The following NAALADL2 variants were observed in gnomAD, a reference collection of about 807,000 sequenced individuals.
NAALADL2 encodes N-acetylated alpha-linked acidic dipeptidase like 2, also known as inactive N-acetylated-alpha-linked acidic dipeptidase-like protein 2.
NAALADL2 carries 76 observed loss-of-function variants against 87.2 expected under a neutral mutation model. The ratio of observed to expected loss-of-function variants is 0.87; its 90% CI spans 0.72 to 1.05. The LOEUF is 1.05. Among genes scored for constraint, NAALADL2 ranks in the 50% least tolerant of loss-of-function variants. The pLI is 0.00. For missense variants in NAALADL2, 1,089 were observed against 945.8 expected, an observed-to-expected ratio of 1.15 and a Z score of -1.99; for synonymous variants, 354 against 331.0, an observed-to-expected ratio of 1.07 and a Z score of -0.75.
intron 4 of NAALADL2, among the ~76,000 whole-genome samples, chr3:175,319,586 G>A (rs983878725): frequency 6.6e-6 from 1 of 152,124 alleles, no homozygotes; most frequent in African/African-American, 2.4e-5. Context: ...TCGGGAGGCC[G>A]AGTCGGCAAT....
chr3:174,935,843 A>G (rs1273482931), intron 1 of NAALADL2, among the ~76,000 whole-genome samples: 1 of 152,160 alleles, frequency 6.6e-6, no homozygotes. Context: ...CTAGACTATA[A>G]GATTAATAGG....
chr3:175,647,273 T>C (rs552058310), intron 11 of NAALADL2, among the ~76,000 whole-genome samples: 1 of 152,238 alleles, frequency 6.6e-6, no homozygotes, highest in African/African-American at 2.4e-5. Flanking sequence ...TAATTGACAA[T>C]TTTTGCCAGA....
chr3:174,994,815 A>G, intron 1 of NAALADL2, among the ~76,000 whole-genome samples: 1 of 152,270 alleles, frequency 6.6e-6, no homozygotes, highest in African/African-American at 2.4e-5. Flanking sequence ...ATATTTTTCA[A>G]AGAATTAGAT....
intron 1 of NAALADL2, among the ~76,000 whole-genome samples, chr3:174,872,057 A>G (rs1460444608): frequency 6.6e-6 from 1 of 152,334 alleles, no homozygotes; most frequent in East Asian, 1.9e-4. Context: ...TTCAAAGCTT[A>G]TATGAAACGG....
intron 6 of NAALADL2, among the ~76,000 whole-genome samples, chr3:175,457,863 T>C (rs956235255): frequency 2.6e-5 from 4 of 151,900 alleles, no homozygotes; most frequent in African/African-American, 9.7e-5. Flanking sequence ...AAAGAAGAGA[T>C]TTTTCCTTTT....
chr3:174,884,252 C>CG (rs1729786657), intron 1 of NAALADL2, among the ~76,000 whole-genome samples: 2 of 152,212 alleles, frequency 1.3e-5, no homozygotes, highest in East Asian at 3.9e-4. Flanking sequence ...ACCCATGAAC[C>CG]CTGGCCATGA....
At chr3:174,908,589 A>G (rs1733273047) in intron 1 of NAALADL2, among the ~76,000 whole-genome samples, 1 of 152,080 alleles carries the variant, frequency 6.6e-6, no homozygotes, top group Non-Finnish European at 1.5e-5. Flanking sequence ...AGTGATGGAG[A>G]AGGAATTTCT....
intron 5 of NAALADL2, among the ~76,000 whole-genome samples, chr3:175,423,028 A>AAAAAAAAATATATATATAT (rs1438736874): frequency 2.1e-4 from 23 of 111,280 alleles, no homozygotes; most frequent in Non-Finnish European, 3.4e-4. Flanking sequence ...GAAAAAAAAA[A>AAAAAAAAATATATATATAT]ATATATATAT....
At chr3:175,712,900 T>C (rs374750071) in intron 11 of NAALADL2, among the ~76,000 whole-genome samples, 19 of 152,072 alleles carry the variant, frequency 1.2e-4, no homozygotes, top group African/African-American at 4.6e-4. Flanking sequence ...CAGACCAATA[T>C]TGTATGGAGC....
intron 9 of NAALADL2, among the ~76,000 whole-genome samples, chr3:175,485,436 G>T (rs1727114523): frequency 6.6e-6 from 1 of 152,162 alleles, no homozygotes; most frequent in African/African-American, 2.4e-5. Flanking sequence ...TCCGTAAGCT[G>T]AAGAGCAAGG....
intron 2 of NAALADL2, among the ~76,000 whole-genome samples, chr3:174,718,932 T>C (rs1176464563): frequency 1.3e-5 from 2 of 152,216 alleles, no homozygotes; most frequent in African/African-American, 2.4e-5. Context: ...AAATGCAGTC[T>C]TTTTTCCTTA....
In NAALADL2 at chr3:174,551,788, C is replaced by T. The variant is rs147984549; in HGVS notation, c.-115+1151C>T. 1.1e-3 allele frequency among the ~76,000 whole-genome samples: 167 copies of T among 152,180 alleles called. 1 individual carries two copies. The East Asian group carries it at 0.027, about 25-fold the overall frequency. ...TACTAATATTTTCCATTTAATATAA[C>T]AGGAAATAGAAAACTGGTTAGCTTT... On this transcript the variant is annotated intron_variant, in intron 2 of 3. Coordinates refer to the NAALADL2 transcript ENST00000434257.
At chr3:175,316,651 C>T (rs879145812) in intron 4 of NAALADL2, among the ~76,000 whole-genome samples, 16 of 152,152 alleles carry the variant, frequency 1.1e-4, no homozygotes, top group Admixed American at 2.0e-4. Flanking sequence ...CCAGCTGAAG[C>T]AGATAGCCCA....
At chr3:174,718,180 C>A (rs1731383276) in intron 2 of NAALADL2, among the ~76,000 whole-genome samples, 1 of 152,000 alleles carries the variant, frequency 6.6e-6, no homozygotes, top group Non-Finnish European at 1.5e-5. Context: ...ATAAGATATG[C>A]CATTGAAAAA....
rs940716382 is a variant in NAALADL2, at chr3:174,978,072, G to A, written c.43+118622G>A. Among the ~76,000 whole-genome samples, 8 of 152,292 alleles carry A rather than the reference G, an allele frequency of 5.3e-5. No homozygotes were observed. The East Asian group carries it at 1.5e-3, about 29-fold the overall frequency. On this transcript the variant is annotated intron_variant, in intron 1 of 13. Transcript: ENST00000454872. ...TCACAACCAGGAGGAAACAAGCGTA[G>A]AAAAATCTGAAGCACAGAGAGGTGA...
intron 4 of NAALADL2, among the ~76,000 whole-genome samples, chr3:175,322,719 CA>C (rs1159976970): frequency 6.8e-6 from 1 of 147,184 alleles, no homozygotes; most frequent in African/African-American, 2.6e-5. Context: ...TTTATGCAGC[CA>C]AAAAACACAT....
intron 3 of NAALADL2, among the ~76,000 whole-genome samples, chr3:174,798,100 A>G (rs962832474): frequency 6.6e-5 from 10 of 152,180 alleles, no homozygotes; most frequent in Non-Finnish European, 4.4e-5. Flanking sequence ...GAAATTGTTG[A>G]TAAGATTATT....
chr3:174,701,233 T>A lies in NAALADL2; in HGVS notation c.-114-36408T>A, dbSNP rs558352792. On this transcript the variant is annotated intron_variant, in intron 2 of 3. Coordinates refer to the NAALADL2 transcript ENST00000434257. ...CAAAATAGTATAAAAATGCTTAAAATGTATTTATAAATATCTTATAATTAT... is the reference window on the plus strand; with the variant it reads ...CAAAATAGTATAAAAATGCTTAAAAAGTATTTATAAATATCTTATAATTAT... Among the ~76,000 whole-genome samples, 21 of 151,250 alleles carry A rather than the reference T, an allele frequency of 1.4e-4. No individual in the cohort carries two copies. In the South Asian group the frequency reaches 2.9e-3, roughly 21 times the overall value.
chr3:174,591,197 G>T (rs1384921701), intron 2 of NAALADL2, among the ~76,000 whole-genome samples: 1 of 152,136 alleles, frequency 6.6e-6, no homozygotes. Flanking sequence ...GCCTTCCAAT[G>T]GTCTTCTGAC....
Sources: allele counts gnomAD v4.1 joint callset (sites outside exome capture counted in the v4.1 genomes callset), GRCh38; gene constraint gnomAD v4.1.1; transcripts MANE v1.5; gene names NCBI Gene and HGNC (gene_info 2026-07-23, HGNC 2026-07-21).